Variants in RAB19 observed in about 807,000 individuals in gnomAD.
The protein encoded by RAB19 is RAB19, member RAS oncogene family.
RAB19 carries 21 observed loss-of-function variants against 17.3 expected under a neutral mutation model. The ratio of observed to expected loss-of-function variants is 1.21; its 90% CI spans 0.86 to 1.74. The LOEUF (loss-of-function observed/expected upper bound fraction) is 1.74, where lower values mean the gene tolerates loss of function less well. Among genes scored for constraint, RAB19 ranks in the 40% most tolerant of loss-of-function variants. The pLI is 0.00. For synonymous variants in RAB19, 126 were observed against 110.4 expected (o/e 1.14, Z -0.88); for missense variants, 277 against 286.8 (o/e 0.97, Z 0.25).
rs955584356 is a variant in RAB19 at position 140,407,957 on chromosome 7, C to T, written c.201+110C>T. On this transcript the variant is annotated intron_variant, in intron 2 of 3. Transcript: ENST00000537763. ...TCGGCTCACTGCAAGCTCCGCCTCC[C>T]GGGTTCATGCCATTCTCCTGCCTCA... The T allele has an allele frequency of 8.3e-6, 7 of 841,406 alleles. 1 individual carries two copies. Among genetic ancestry groups the T allele is most frequent in the Admixed American group, 5.4e-5 (2 of 37,004 alleles). The allele number at this position is 841,406 out of a possible 1,614,324, so 52.1% of individuals were successfully genotyped here.
In RAB19 at chr7:140,412,009, CATGAG is replaced by C. The variant is rs763038235; in HGVS notation, c.340_344del (p.Glu114ArgfsTer16). 16 of 1,613,812 alleles carry C rather than the reference CATGAG, an allele frequency of 9.9e-6. No homozygotes were observed. The highest frequency in any genetic ancestry group is 1.4e-5 in the Non-Finnish European group (16 of 1,180,042). On this transcript the variant is annotated frameshift_variant, in exon 3 of 4. Transcript: ENST00000537763. LOFTEE classifies it high-confidence loss of function. ...GTTCGAGTCCATCCCTCACTGGATT[CATGAG>C]ATAGAGAAATATGGAGCTGCAAATG... is the stretch of plus-strand genomic sequence containing the variant.
intron 1 of RAB19, among the ~76,000 whole-genome samples, chr7:140,404,753 C>T (rs1488332465): frequency 6.6e-6 from 1 of 152,166 alleles, no homozygotes; most frequent in African/African-American, 2.4e-5. Flanking sequence ...GTTTCAGTTA[C>T]TTTTAGAGCA....
In RAB19 at chr7:140,421,715, G is replaced by A. The variant is rs553659673; in HGVS notation, c.386-4167G>A. Among the ~76,000 whole-genome samples, 201 of 152,184 alleles carry A rather than the reference G, an allele frequency of 1.3e-3. 1 individual carries two copies. Among genetic ancestry groups the A allele is most frequent in the Non-Finnish European group, 2.2e-3 (149 of 68,002 alleles). On this transcript the variant is annotated intron_variant, in intron 3 of 3. Coordinates refer to ENST00000537763, the MANE Select transcript of RAB19 (RefSeq NM_001008749.3). ...GGGTCTTGCTGTATTGCCCAGGCTG[G>A]TCTTGAATTCCTGGGCTCAAGTGAT...
At chr7:140,408,695 C>T (rs555612201) in intron 2 of RAB19, among the ~76,000 whole-genome samples, 1 of 152,056 alleles carries the variant, frequency 6.6e-6, no homozygotes, top group Non-Finnish European at 1.5e-5. Context: ...AGACTGGTCT[C>T]GAACTCCTGA....
chr7:140,417,843 G>A (rs1360804251), intron 3 of RAB19, among the ~76,000 whole-genome samples: 1 of 152,166 alleles, frequency 6.6e-6, no homozygotes, highest in African/African-American at 2.4e-5. Context: ...GCCTGTGTGG[G>A]ATCAAGTCTC....
rs1004540021 is a variant in RAB19, at chr7:140,416,012, C to A, written c.385+3955C>A. Among the ~76,000 whole-genome samples, 59 of 151,380 alleles carry A rather than the reference C, an allele frequency of 3.9e-4. 1 individual carries two copies. Among genetic ancestry groups the A allele is most frequent in the African/African-American group, 1.4e-3 (59 of 41,262 alleles). The stretch of plus-strand genomic sequence containing the variant: ...TTAAGGCCAGGAGTTCAACATCAGC[C>A]TGGGCAACATAGCAAGACCCCATCT... On this transcript the variant is annotated intron_variant, in intron 3 of 3. Coordinates refer to ENST00000537763, the MANE Select transcript of RAB19 (RefSeq NM_001008749.3).
At chr7:140,405,464 C>A (rs933693363) in intron 1 of RAB19, among the ~76,000 whole-genome samples, 1 of 151,866 alleles carries the variant, frequency 6.6e-6, no homozygotes, top group African/African-American at 2.4e-5. Flanking sequence ...TCAAGTGATC[C>A]GCCTGCCTCA....
intron 3 of RAB19, among the ~76,000 whole-genome samples, chr7:140,412,319 G>A (rs902899025): frequency 6.6e-6 from 1 of 152,056 alleles, no homozygotes; most frequent in African/African-American, 2.4e-5. Flanking sequence ...AGGCGTAGTG[G>A]TGGGCGCCTG....
At chr7:140,419,077 T>G (rs1399515433) in intron 3 of RAB19, among the ~76,000 whole-genome samples, 2 of 148,824 alleles carry the variant, frequency 1.3e-5, no homozygotes, top group Non-Finnish European at 3.0e-5. Context: ...GTTTGTTTTT[T>G]TTTTTTTTTT....
At chr7:140,413,014 TACTCAG>T (rs570919404) in intron 3 of RAB19, among the ~76,000 whole-genome samples, 51 of 152,048 alleles carry the variant, frequency 3.4e-4, no homozygotes, top group African/African-American at 1.1e-3. Flanking sequence ...CAGTCCCAGC[TACTCAG>T]GAGGCTGAGG....
At chr7:140,414,521 C>T (rs1373733482) in intron 3 of RAB19, among the ~76,000 whole-genome samples, 2 of 152,050 alleles carry the variant, frequency 1.3e-5, no homozygotes, top group African/African-American at 2.4e-5. Flanking sequence ...GTATTTATAC[C>T]CTAGTCTGTC....
At chr7:140,409,766 G>A (rs1352684685) in intron 2 of RAB19, among the ~76,000 whole-genome samples, 1 of 151,956 alleles carries the variant, frequency 6.6e-6, no homozygotes, top group Non-Finnish European at 1.5e-5. Flanking sequence ...GGCCGAGGTG[G>A]GTGGATTACG....
chr7:140,419,899 C>A (rs1799527250), intron 3 of RAB19, among the ~76,000 whole-genome samples: 1 of 152,128 alleles, frequency 6.6e-6, no homozygotes, highest in African/African-American at 2.4e-5. Context: ...GATTGAACAC[C>A]TTTTCAGGTG....
chr7:140,417,975 T>C (rs560819972), intron 3 of RAB19, among the ~76,000 whole-genome samples: 6 of 152,142 alleles, frequency 3.9e-5, no homozygotes, highest in African/African-American at 9.7e-5. Flanking sequence ...CCTGTTAGCA[T>C]TGACAGCTGC....
At chr7:140,417,260 G>A (rs7790172) in intron 3 of RAB19, among the ~76,000 whole-genome samples, 9,818 of 148,852 alleles carry the variant, frequency 0.066, 354 homozygotes, top group Middle Eastern at 0.13. Context: ...AAATTAGCTG[G>A]ACTCAGTGGT....
intron 2 of RAB19, 113 bp from the exon 3 acceptor site, chr7:140,411,760 TG>T: frequency 1.9e-6 from 3 of 1,589,916 alleles, no homozygotes; most frequent in Non-Finnish European, 1.7e-6. Flanking sequence ...CTACTGGGTC[TG>T]AATATCTAGA....
In RAB19 at chr7:140,407,860, C is replaced by T. The variant is rs375663345; in HGVS notation, c.201+13C>T. On this transcript the variant is annotated intron_variant, in intron 2 of 3. Coordinates refer to ENST00000537763, the MANE Select transcript of RAB19 (RefSeq NM_001008749.3). Reference sequence around the variant, plus strand: ...CAAAAAAGTGAAGGTCAGAGGGCACCGGGACGGGACTGGTTCCACCTTTTT... The same window carrying T: ...CAAAAAAGTGAAGGTCAGAGGGCACTGGGACGGGACTGGTTCCACCTTTTT... The T allele has an allele frequency of 6.8e-6, 10 of 1,468,150 alleles. No homozygotes were observed. The highest frequency in any genetic ancestry group is 1.9e-4 in the Middle Eastern group (1 of 5,374). The allele number at this position is 1,468,150 out of a possible 1,614,324, so 90.9% of individuals were successfully genotyped here.
At chr7:140,405,965 G>A (rs1190188867) in intron 1 of RAB19, among the ~76,000 whole-genome samples, 7 of 151,862 alleles carry the variant, frequency 4.6e-5, no homozygotes. Context: ...TTTTCCAGCC[G>A]GGCATGGTGG....
chr7:140,404,701 G>A (rs1295633917), intron 1 of RAB19, among the ~76,000 whole-genome samples: 2 of 152,070 alleles, frequency 1.3e-5, no homozygotes, highest in African/African-American at 2.4e-5. Context: ...CAAGGCAGGG[G>A]CAATTTGCAG....
Sources: gnomAD v4.1 joint callset for allele counts (sites outside exome capture counted in the v4.1 genomes callset) on GRCh38, gnomAD v4.1.1 for gene constraint, MANE v1.5 for transcripts, NCBI Gene and HGNC (gene_info 2026-07-23, HGNC 2026-07-21) for gene names.